The following CAPS2 variants were observed in gnomAD, a reference collection of about 807,000 sequenced individuals.
CAPS2 encodes the protein calcyphosine 2, also known as calcyphosin-2.
CAPS2 carries 98 observed loss-of-function variants against 86.5 expected under a neutral mutation model. The ratio of observed to expected loss-of-function variants is 1.13; its 90% CI spans 0.96 to 1.34. The LOEUF is 1.34. Ranked by LOEUF, CAPS2 falls within the 40% of genes most tolerant of loss-of-function variation. The pLI, the probability that CAPS2 is intolerant of heterozygous loss-of-function variation, is 0.00. For missense variants in CAPS2, 729 were observed against 686.8 expected (o/e 1.06, Z -0.69); for synonymous variants, 210 against 225.1 (o/e 0.93, Z 0.60).
chr12:75,389,238 T>C (rs2045449054), intron 1 of CAPS2, among the ~76,000 whole-genome samples: 1 of 152,226 alleles, frequency 6.6e-6, no homozygotes, highest in Non-Finnish European at 1.5e-5. Flanking sequence ...AACTGTTTGA[T>C]GATTCATCTG....
At chr12:75,325,166 TG>T (rs1371223049) in intron 2 of CAPS2, 72 bp downstream of exon 3, 1 of 1,372,496 alleles carries the variant, frequency 7.3e-7, no homozygotes, top group East Asian at 2.6e-5. Context: ...AATTTTGCTT[TG>T]TTTTTTAACT....
At chr12:75,323,492 C>G (rs2040491533) in intron 2 of CAPS2, among the ~76,000 whole-genome samples, 1 of 152,030 alleles carries the variant, frequency 6.6e-6, no homozygotes, top group South Asian at 2.1e-4. Context: ...GCCTGTAATC[C>G]CAGCACTTTG....
At chr12:75,319,370 G>A (rs1297822719) in intron 5 of CAPS2, among the ~76,000 whole-genome samples, 1 of 152,076 alleles carries the variant, frequency 6.6e-6, no homozygotes, top group Non-Finnish European at 1.5e-5. Flanking sequence ...TTTCCCAAGA[G>A]TGCTGGTTGT....
intron 1 of CAPS2, chr12:75,360,399 T>G (rs1220691346): frequency 1.3e-5 from 2 of 152,106 alleles, no homozygotes; most frequent in African/African-American, 2.4e-5. Flanking sequence ...ACAAGTTAGT[T>G]CCTTCCTAGA....
At chr12:75,368,508 T>C (rs369300906) in intron 1 of CAPS2, among the ~76,000 whole-genome samples, 1 of 151,850 alleles carries the variant, frequency 6.6e-6, no homozygotes, top group Non-Finnish European at 1.5e-5. Flanking sequence ...GCCCCAGGAA[T>C]ACAATATTAC....
chr12:75,329,369 T>G (rs2041085441), upstream of CAPS2, among the ~76,000 whole-genome samples: 1 of 152,212 alleles, frequency 6.6e-6, no homozygotes, highest in South Asian at 2.1e-4. Context: ...AAATGGCTTC[T>G]GTCCCCACTT....
intron 1 of CAPS2, among the ~76,000 whole-genome samples, chr12:75,341,863 C>T (rs1172998361): frequency 6.6e-6 from 1 of 151,222 alleles, no homozygotes; most frequent in Non-Finnish European, 1.5e-5. Context: ...AATTCTCCTC[C>T]TCATCCTCCT....
chr12:75,351,677 G>GCCTC lies in CAPS2; in HGVS notation c.-394-28456_-394-28455insGAGG, dbSNP rs2042825085. On this transcript the variant is annotated intron_variant, in intron 1 of 5. Transcript: ENST00000551829. Reference sequence around the variant, plus strand: ...TTCTCCTGCCTCAGCCTCCTGAGTAGCTGGGATTAGAGGCGCTCCCCACCA... The same window carrying GCCTC: ...TTCTCCTGCCTCAGCCTCCTGAGTAGCCTCCTGGGATTAGAGGCGCTCCCCACCA... Among the ~76,000 whole-genome samples, 2 of 151,830 alleles carry GCCTC rather than the reference G, an allele frequency of 1.3e-5. 1 individual carries two copies. Among genetic ancestry groups the GCCTC allele is most frequent in the Non-Finnish European group, 2.9e-5 (2 of 67,986 alleles).
intron 16 of CAPS2, among the ~76,000 whole-genome samples, chr12:75,280,130 C>A (rs182898100): frequency 8.1e-4 from 123 of 151,716 alleles, no homozygotes; most frequent in African/African-American, 2.9e-3. Context: ...TTGGGATATA[C>A]CATTTCTATT....
intron 13 of CAPS2, among the ~76,000 whole-genome samples, chr12:75,290,183 G>A (rs1232642693): frequency 6.6e-6 from 1 of 152,060 alleles, no homozygotes; most frequent in Admixed American, 6.5e-5. Flanking sequence ...CAAAATTGAT[G>A]ACAGGCAAGT....
intron 1 of CAPS2, among the ~76,000 whole-genome samples, chr12:75,353,329 C>T (rs1248119470): frequency 6.6e-6 from 1 of 152,150 alleles, no homozygotes; most frequent in Non-Finnish European, 1.5e-5. Context: ...ACTGACCCCA[C>T]AGAAATACAA....
rs1274873046 is a variant in CAPS2, at chr12:75,278,438, A to G, written c.*452T>C. ...AATTATCTCACTGGCTTTGGGCCCA[A>G]TTCTAATTTATCAAATTGACCATGG... is the stretch of plus-strand genomic sequence containing the variant. On this transcript the variant is annotated 3_prime_UTR_variant, in exon 17 of 17. Coordinates refer to ENST00000393284, the Ensembl canonical transcript of CAPS2. The G allele has an allele frequency of 3.0e-6, 3 of 985,138 alleles. No homozygotes were observed. In the African/African-American group the frequency reaches 5.3e-5, roughly 17 times the overall value. The allele number at this position is 985,138 out of a possible 1,614,324, so 61.0% of individuals were successfully genotyped here.
chr12:75,334,730 T>G (rs750022625), upstream of CAPS2: 19 of 1,612,818 alleles, frequency 1.2e-5, no homozygotes, highest in Admixed American at 3.3e-5. Flanking sequence ...CATCCTTCCA[T>G]GGCTCTGAAG....
chr12:75,330,616 T>A (rs1372160408), upstream of CAPS2, among the ~76,000 whole-genome samples: 1 of 152,180 alleles, frequency 6.6e-6, no homozygotes, highest in African/African-American at 2.4e-5. Flanking sequence ...TACATAGATA[T>A]TAGACATGGA....
chr12:75,280,639 T>C (rs1423295117), intron 16 of CAPS2, among the ~76,000 whole-genome samples: 2 of 151,816 alleles, frequency 1.3e-5, no homozygotes, highest in Non-Finnish European at 2.9e-5. Context: ...GATAATGACG[T>C]GTTTAAAGGA....
chr12:75,334,317 T>C (rs1359305897), upstream of CAPS2: 1 of 197,616 alleles, frequency 5.1e-6, no homozygotes, highest in Non-Finnish European at 9.4e-6. Context: ...AAGCTGCGTC[T>C]AAGAAACGAA....
downstream of CAPS2, chr12:75,277,021 C>CA (rs1161892304): frequency 2.0e-6 from 2 of 984,634 alleles, no homozygotes; most frequent in East Asian, 2.3e-4. Context: ...AGAATGCAGG[C>CA]AGTCAGGCAA....
intron 9 of CAPS2, among the ~76,000 whole-genome samples, chr12:75,299,422 A>G (rs1024302980): frequency 2.6e-5 from 4 of 152,176 alleles, no homozygotes; most frequent in Non-Finnish European, 5.9e-5. Flanking sequence ...CTGGAAATCT[A>G]TAAGACTGAA....
rs201399852 is a variant in CAPS2, at chr12:75,343,943, A to G, written c.-394-20721T>C. 2.5e-3 allele frequency: 3,992 copies of G among 1,593,464 alleles called. 106 individuals carry two copies. The South Asian group carries it at 0.042, about 17-fold the overall frequency. On this transcript the variant is annotated intron_variant, in intron 1 of 5. Transcript: ENST00000551829. ...GTCTGTGGCCATTATACACAGGTAA[A>G]TATTTGACATCTTTATTGATTAGTT...
Sources: allele counts gnomAD v4.1 joint callset (sites outside exome capture counted in the v4.1 genomes callset), GRCh38; gene constraint gnomAD v4.1.1; transcripts MANE v1.5; gene names NCBI Gene and HGNC (gene_info 2026-07-23, HGNC 2026-07-21).